Variants in PDCD1LG2 observed in about 807,000 individuals in gnomAD.
PDCD1LG2 encodes B7 dendritic cell molecule.
PDCD1LG2 carries 32 observed loss-of-function variants against 28.2 expected under a neutral mutation model. The observed-to-expected ratio is 1.13, with a 90% CI of 0.86 to 1.52. PDCD1LG2 has a LOEUF of 1.52. PDCD1LG2 is among the 40% of genes most tolerant of loss of function. PDCD1LG2 has a pLI of 0.00. For missense variants in PDCD1LG2, 385 were observed against 323.8 expected, an observed-to-expected ratio of 1.19 and a Z score of -1.45; for synonymous variants, 116 against 120.2, an observed-to-expected ratio of 0.97 and a Z score of 0.23.
At chr9:5,551,151 G>A (rs1816324079) in intron 4 of PDCD1LG2, among the ~76,000 whole-genome samples, 1 of 152,158 alleles carries the variant, frequency 6.6e-6, no homozygotes, top group African/African-American at 2.4e-5. Flanking sequence ...ATATTCACAT[G>A]TTCCAGGGAT....
intron 2 of PDCD1LG2, among the ~76,000 whole-genome samples, chr9:5,532,221 C>A (rs1405752245): frequency 6.6e-6 from 1 of 152,222 alleles, no homozygotes; most frequent in Non-Finnish European, 1.5e-5. Flanking sequence ...ACCTTATAGC[C>A]CTGCCCCTGT....
intron 1 of PDCD1LG2, among the ~76,000 whole-genome samples, chr9:5,514,628 C>T (rs577326089): frequency 6.6e-6 from 1 of 151,976 alleles, no homozygotes; most frequent in Admixed American, 6.6e-5. Flanking sequence ...ATAGTCCCAG[C>T]TACTTGGGAG....
At chr9:5,551,251 C>G (rs1268793452) in intron 4 of PDCD1LG2, among the ~76,000 whole-genome samples, 3 of 152,176 alleles carry the variant, frequency 2.0e-5, no homozygotes, top group Non-Finnish European at 2.9e-5. Context: ...GTCCCTAGTA[C>G]TGATTCAATC....
At chr9:5,545,697 T>C (rs1264176683) in intron 3 of PDCD1LG2, among the ~76,000 whole-genome samples, 1 of 152,190 alleles carries the variant, frequency 6.6e-6, no homozygotes, top group Non-Finnish European at 1.5e-5. Context: ...TTTCAACTCA[T>C]CTCTATTACA....
intron 6 of PDCD1LG2, among the ~76,000 whole-genome samples, chr9:5,565,702 T>G (rs185596041): frequency 6.6e-6 from 1 of 152,178 alleles, no homozygotes; most frequent in African/African-American, 2.4e-5. Flanking sequence ...TATTTGATAT[T>G]TGTCTTTCTG....
At chr9:5,560,601 G>T (rs921723438) in intron 5 of PDCD1LG2, among the ~76,000 whole-genome samples, 24 of 152,176 alleles carry the variant, frequency 1.6e-4, no homozygotes, top group Admixed American at 4.6e-4. Context: ...GCTGCACACA[G>T]CCAGCCTCTT....
chr9:5,537,465 A>G (rs1215531908), intron 3 of PDCD1LG2, among the ~76,000 whole-genome samples: 2 of 152,218 alleles, frequency 1.3e-5, no homozygotes, highest in Non-Finnish European at 2.9e-5. Context: ...AATATGTGTT[A>G]ATAATAATAG....
intron 1 of PDCD1LG2, among the ~76,000 whole-genome samples, chr9:5,512,440 T>A (rs1314546680): frequency 6.6e-6 from 1 of 152,194 alleles, no homozygotes; most frequent in Non-Finnish European, 1.5e-5. Flanking sequence ...CTGCCCCTGC[T>A]TTGAGGGATT....
Position 5,557,527 on chromosome 9 carries a change from C to A in PDCD1LG2, c.632-91C>A, listed in dbSNP as rs568007978. 2.8e-6 allele frequency: 4 copies of A among 1,434,476 alleles called. No homozygotes were observed. In the South Asian group the frequency reaches 4.8e-5, roughly 17 times the overall value. The allele number at this position is 1,434,476 out of a possible 1,614,324, so 88.9% of individuals were successfully genotyped here. ...GGAGTAAATGCTCCACAGAGCTAGC[C>A]GTGTTGGCTGTCACCCACTCATGTG... On this transcript the variant is annotated intron_variant, in intron 4 of 6. Coordinates refer to ENST00000397747, the MANE Select transcript of PDCD1LG2 (RefSeq NM_025239.4).
chr9:5,552,166 T>C lies in PDCD1LG2; in HGVS notation c.631+2562T>C, dbSNP rs144467371. Among the ~76,000 whole-genome samples, 1,261 of 152,298 alleles carry C rather than the reference T, an allele frequency of 8.3e-3. 15 individuals are homozygous for C. Among genetic ancestry groups the C allele is most frequent in the African/African-American group, 0.029 (1,207 of 41,568 alleles). ...TGGATATGGAAGTAAAAAGAACCAGTGAATCAGCGGACCCCTGAGTTCCAG... is the reference window on the plus strand; with the variant it reads ...TGGATATGGAAGTAAAAAGAACCAGCGAATCAGCGGACCCCTGAGTTCCAG... On this transcript the variant is annotated intron_variant, in intron 4 of 6. Transcript: ENST00000397747.
chr9:5,538,428 G>A (rs372592906), intron 3 of PDCD1LG2, among the ~76,000 whole-genome samples: 12 of 152,182 alleles, frequency 7.9e-5, no homozygotes, highest in Admixed American at 2.0e-4. Context: ...GCTCACGACC[G>A]TAATCCCAGC....
chr9:5,557,855 C>A (rs2129924221), intron 5 of PDCD1LG2, 103 bp downstream of exon 5: 2 of 1,398,214 alleles, frequency 1.4e-6, no homozygotes, highest in Non-Finnish European at 2.0e-6. Context: ...ATGCTAAACC[C>A]ACTCAGAGCT....
chr9:5,536,550 G>A (rs750776120), intron 3 of PDCD1LG2, among the ~76,000 whole-genome samples: 2 of 152,176 alleles, frequency 1.3e-5, no homozygotes, highest in African/African-American at 4.8e-5. Context: ...TGATGTACTC[G>A]AATATCTGCA....
chr9:5,558,423 G>A (rs1228485624), intron 5 of PDCD1LG2, among the ~76,000 whole-genome samples: 2 of 152,136 alleles, frequency 1.3e-5, no homozygotes, highest in Non-Finnish European at 2.9e-5. Context: ...TCTGTCTTTG[G>A]TTTCCTGGGT....
intron 2 of PDCD1LG2, among the ~76,000 whole-genome samples, chr9:5,530,055 G>C (rs1476520167): frequency 6.6e-6 from 1 of 151,836 alleles, no homozygotes; most frequent in Non-Finnish European, 1.5e-5. Context: ...TTAAATGTGG[G>C]GGATAAAATA....
At chr9:5,530,233 C>A (rs1820456295) in intron 2 of PDCD1LG2, among the ~76,000 whole-genome samples, 2 of 152,106 alleles carry the variant, frequency 1.3e-5, no homozygotes, top group South Asian at 4.1e-4. Flanking sequence ...TCTAATCTAG[C>A]AAAAGGACCT....
At chr9:5,526,778 TAAAAG>T (rs1820388359) in intron 2 of PDCD1LG2, among the ~76,000 whole-genome samples, 1 of 152,196 alleles carries the variant, frequency 6.6e-6, no homozygotes, top group Non-Finnish European at 1.5e-5. Flanking sequence ...TGAAGAGGAC[TAAAAG>T]AAGTTTTAGT....
chr9:5,536,321 G>T (rs1820579412), intron 3 of PDCD1LG2, among the ~76,000 whole-genome samples: 1 of 152,174 alleles, frequency 6.6e-6, no homozygotes, highest in South Asian at 2.1e-4. Flanking sequence ...TATAATAAGT[G>T]TCCAGAGACT....
At chr9:5,561,510 A>C (rs1816562505) in intron 5 of PDCD1LG2, among the ~76,000 whole-genome samples, 1 of 152,224 alleles carries the variant, frequency 6.6e-6, no homozygotes, top group South Asian at 2.1e-4. Flanking sequence ...AAAGTGCTTA[A>C]TACAAATTGG....
Sources: allele counts gnomAD v4.1 joint callset (sites outside exome capture counted in the v4.1 genomes callset), GRCh38; gene constraint gnomAD v4.1.1; transcripts MANE v1.5; gene names NCBI Gene and HGNC (gene_info 2026-07-23, HGNC 2026-07-21).